Variants in MAP4K4 observed in about 807,000 individuals in gnomAD.
MAP4K4 encodes mitogen-activated protein kinase kinase kinase kinase 4.
A neutral mutation model predicts 189.6 loss-of-function variants in MAP4K4; 38 were observed. The observed-to-expected ratio is 0.20, with a 90% CI of 0.15 to 0.26. The LOEUF (loss-of-function observed/expected upper bound fraction) is 0.26, where lower values mean the gene tolerates loss of function less well. Among genes scored for constraint, MAP4K4 ranks in the 10% least tolerant of loss-of-function variants. MAP4K4 has a pLI of 1.00. For synonymous variants in MAP4K4, 610 were observed against 624.3 expected (o/e 0.98, Z 0.34); for missense variants, 1,054 against 1,726.9 (o/e 0.61, Z 6.91).
chr2:101,827,727 C>G (rs2096424947), intron 5 of MAP4K4, among the ~76,000 whole-genome samples: 1 of 152,222 alleles, frequency 6.6e-6, no homozygotes, highest in South Asian at 2.1e-4. Context: ...TTTCAGCCCA[C>G]TTCCATGTTC....
intron 2 of MAP4K4, among the ~76,000 whole-genome samples, chr2:101,783,446 C>G (rs1329032066): frequency 6.6e-6 from 1 of 152,074 alleles, no homozygotes; most frequent in East Asian, 1.9e-4. Flanking sequence ...TTCTTATAAT[C>G]TTGAAGAAGT....
chr2:101,821,228 CTG>C (rs1179347949), intron 3 of MAP4K4, among the ~76,000 whole-genome samples: 21 of 152,282 alleles, frequency 1.4e-4, no homozygotes, highest in African/African-American at 5.1e-4. Context: ...GGTCATGTGA[CTG>C]TTGCCGTATT....
intron 3 of MAP4K4, among the ~76,000 whole-genome samples, chr2:101,822,856 T>C (rs1042553368): frequency 6.6e-6 from 1 of 152,238 alleles, no homozygotes; most frequent in Non-Finnish European, 1.5e-5. Context: ...TGAAAATGTA[T>C]GCAGTATAGG....
intron 2 of MAP4K4, among the ~76,000 whole-genome samples, chr2:101,723,729 T>C (rs1175237292): frequency 6.6e-6 from 1 of 152,220 alleles, no homozygotes; most frequent in Admixed American, 6.5e-5. Context: ...TTCTACACTT[T>C]GAGAGAGATT....
intron 12 of MAP4K4, among the ~76,000 whole-genome samples, chr2:101,850,453 T>G (rs2097249236): frequency 6.6e-6 from 1 of 152,246 alleles, no homozygotes; most frequent in Non-Finnish European, 1.5e-5. Flanking sequence ...TCCTTTATTC[T>G]GAAGCACTTT....
intron 3 of MAP4K4, among the ~76,000 whole-genome samples, chr2:101,806,407 G>C (rs931330956): frequency 1.5e-5 from 2 of 137,148 alleles, no homozygotes; most frequent in Non-Finnish European, 3.0e-5. Context: ...ACGGAATCTC[G>C]CTCTGTCACC....
rs568633125 is a variant in MAP4K4 at position 101,779,975 on chromosome 2, G to A, written c.124-10745G>A. ...AGGAAAGGAATATGTCTTCTAAACC[G>A]TGCTACTGGCTGCAACACAACAACA... On this transcript the variant is annotated intron_variant, in intron 2 of 32. Coordinates refer to ENST00000324219, the Ensembl canonical transcript of MAP4K4. Among the ~76,000 whole-genome samples, 6 of 152,238 alleles carry A rather than the reference G, an allele frequency of 3.9e-5. No homozygotes were observed. In the South Asian group the frequency reaches 1.0e-3, roughly 26 times the overall value.
At chr2:101,891,969 A>T (rs1361060180) in exon 33 of MAP4K4, 7 of 139,466 alleles carry the variant, frequency 5.0e-5, no homozygotes, top group Non-Finnish European at 1.1e-4. Context: ...GGTTGCCTAA[A>T]TCATGTGCAG....
At chr2:101,834,383 T>C (rs1412967144) in intron 7 of MAP4K4, 26 bp from the exon 8 acceptor site, 8 of 1,571,306 alleles carry the variant, frequency 5.1e-6, no homozygotes, top group Non-Finnish European at 7.0e-6. Flanking sequence ...CTCCAGTATC[T>C]GTAACGTACT....
At chr2:101,808,544 AC>A (rs748352629) in intron 3 of MAP4K4, among the ~76,000 whole-genome samples, 2,557 of 132,848 alleles carry the variant, frequency 0.019, 103 homozygotes, top group African/African-American at 0.068. Context: ...CACCACCCTC[AC>A]CCCCCCCCAC....
At chr2:101,826,886 T>G (rs1036838693) in intron 5 of MAP4K4, among the ~76,000 whole-genome samples, 2 of 152,112 alleles carry the variant, frequency 1.3e-5, no homozygotes, top group African/African-American at 2.4e-5. Context: ...CATTGTTCTT[T>G]GTTTTAAACA....
intron 13 of MAP4K4, 25 bp downstream of exon 13, chr2:101,856,163 G>A: frequency 1.3e-6 from 2 of 1,543,524 alleles, no homozygotes; most frequent in Non-Finnish European, 1.7e-6. Context: ...AACATAGCAG[G>A]CATACACTTG....
chr2:101,812,881 A>T (rs145653917), intron 3 of MAP4K4, among the ~76,000 whole-genome samples: 2,967 of 152,276 alleles, frequency 0.019, 97 homozygotes, highest in African/African-American at 0.067. Flanking sequence ...TAATCCCAGC[A>T]CTTTGGGAGG....
intron 3 of MAP4K4, among the ~76,000 whole-genome samples, chr2:101,811,268 A>T (rs907098100): frequency 1.4e-5 from 2 of 146,010 alleles, no homozygotes; most frequent in African/African-American, 5.0e-5. Context: ...CTACTCGGGA[A>T]GCTGAGGCAG....
intron 3 of MAP4K4, 86 bp from the exon 4 acceptor site, chr2:101,823,841 TC>T (rs2096221266): frequency 8.6e-7 from 1 of 1,165,336 alleles, no homozygotes; most frequent in East Asian, 2.7e-5. Context: ...GAACTTGTGT[TC>T]CTTTCATTAT....
At chr2:101,878,036 A>C (rs1480160374) in intron 27 of MAP4K4, among the ~76,000 whole-genome samples, 1 of 152,218 alleles carries the variant, frequency 6.6e-6, no homozygotes, top group Non-Finnish European at 1.5e-5. Context: ...GGCATGAGCC[A>C]CTGCGCCCGG....
At chr2:101,823,901 C>A in intron 3 of MAP4K4, 27 bp from the exon 4 acceptor site, 3 of 1,572,446 alleles carry the variant, frequency 1.9e-6, no homozygotes, top group Non-Finnish European at 2.6e-6. Flanking sequence ...TCAGTAGCCA[C>A]ACATTTTATT....
At chr2:101,819,314 T>C (rs1559063128) in intron 3 of MAP4K4, among the ~76,000 whole-genome samples, 1 of 152,206 alleles carries the variant, frequency 6.6e-6, no homozygotes, top group Non-Finnish European at 1.5e-5. Context: ...GTTGATTCAT[T>C]ATTACCCTAC....
intron 6 of MAP4K4, among the ~76,000 whole-genome samples, chr2:101,830,678 C>G (rs1323290519): frequency 6.6e-6 from 1 of 152,186 alleles, no homozygotes; most frequent in East Asian, 1.9e-4. Context: ...AGCACTTGAG[C>G]AGTTCTCATA....
Sources: allele counts gnomAD v4.1 joint callset (sites outside exome capture counted in the v4.1 genomes callset), GRCh38; gene constraint gnomAD v4.1.1; transcripts MANE v1.5; gene names NCBI Gene and HGNC (gene_info 2026-07-23, HGNC 2026-07-21).